The following SLC23A2 variants were observed in gnomAD, a reference collection of about 807,000 sequenced individuals.
SLC23A2 encodes the protein Na(+)/L-ascorbic acid transporter 2.
SLC23A2 carries 36 observed loss-of-function variants against 73.3 expected under a neutral mutation model. That is an observed-to-expected ratio of 0.49 (90% CI 0.38 to 0.65). The LOEUF is 0.65. Among genes scored for constraint, SLC23A2 ranks in the 30% least tolerant of loss-of-function variants. The probability of loss-of-function intolerance (pLI) is 0.00; values close to 1 mark genes in which losing one functional copy is unlikely to be tolerated. For missense variants in SLC23A2, 507 were observed against 841.6 expected (o/e 0.60, Z 4.92); for synonymous variants, 343 against 327.3 (o/e 1.05, Z -0.52).
chr20:4,984,355 C>T (rs1006298976), intron 1 of SLC23A2, among the ~76,000 whole-genome samples: 2 of 151,992 alleles, frequency 1.3e-5, no homozygotes, highest in Admixed American at 6.6e-5. Context: ...GAGATCGAGA[C>T]CATCCTGGCT....
chr20:4,938,281 G>A (rs2086990886), intron 2 of SLC23A2, among the ~76,000 whole-genome samples: 1 of 150,388 alleles, frequency 6.6e-6, no homozygotes, highest in Non-Finnish European at 1.5e-5. Context: ...GCCTCCCAAA[G>A]TGCAGGGATT....
intron 1 of SLC23A2, among the ~76,000 whole-genome samples, chr20:4,985,025 T>C (rs2122290684): frequency 6.6e-6 from 1 of 151,532 alleles, no homozygotes; most frequent in African/African-American, 2.4e-5. Context: ...TAGTTCCGGC[T>C]ACTTGGGAGG....
chr20:4,907,341 A>G (rs1214642523), intron 4 of SLC23A2, among the ~76,000 whole-genome samples: 1 of 152,196 alleles, frequency 6.6e-6, no homozygotes, highest in Non-Finnish European at 1.5e-5. Flanking sequence ...GGGCAGGCCC[A>G]CGATTAGATA....
rs1930495033 is a variant in SLC23A2 at position 4,872,667 on chromosome 20, G to T, written c.1102+1269C>A. On this transcript the variant is annotated intron_variant, in intron 11 of 16. Transcript: ENST00000338244. This position sits in a 1 kb window ranked among gnomAD's most constrained non-coding sequence, Gnocchi z 4.4. ...TATCTCAGACTACAGGTATGTTTAT[G>T]AACCATGCACATTCTTTCTTGGAAA... Among the ~76,000 whole-genome samples the T allele has an allele frequency of 6.6e-6, 1 of 152,148 alleles. No homozygotes were observed. The highest frequency in any genetic ancestry group is 1.5e-5 in the Non-Finnish European group (1 of 68,024).
rs146426037 is a variant in SLC23A2, at chr20:4,872,100, C to T, written c.1102+1836G>A. On this transcript the variant is annotated intron_variant, in intron 11 of 16. Transcript: ENST00000338244. The surrounding 1 kb of genome is among the most constrained non-coding windows in gnomAD (Gnocchi z 4.4). ...CAAGAAACTTTCATTTAGTTTGTTA[C>T]TTGACAGCAGGGTTTTTCAACCTCA... Among the ~76,000 whole-genome samples the T allele has an allele frequency of 7.2e-5, 11 of 152,022 alleles. No homozygotes were observed. Among genetic ancestry groups the T allele is most frequent in the African/African-American group, 2.7e-4 (11 of 41,448 alleles).
chr20:4,993,260 G>T (rs2087958582), intron 1 of SLC23A2, among the ~76,000 whole-genome samples: 1 of 149,710 alleles, frequency 6.7e-6, no homozygotes, highest in African/African-American at 2.5e-5. Flanking sequence ...CTCCAGCCTG[G>T]GCGCGCCACT....
intron 3 of SLC23A2, among the ~76,000 whole-genome samples, chr20:4,919,664 C>A (rs1211844726): frequency 6.6e-6 from 1 of 152,122 alleles, no homozygotes; most frequent in Non-Finnish European, 1.5e-5. Flanking sequence ...ATCTTCCCTG[C>A]TAGGTGAGGT....
Position 4,883,121 on chromosome 20 carries a change from G to C in SLC23A2, c.824+521C>G, listed in dbSNP as rs1353907857. Among the ~76,000 whole-genome samples, 3 of 152,156 alleles carry C rather than the reference G, an allele frequency of 2.0e-5. No homozygotes were observed. Among genetic ancestry groups the C allele is most frequent in the Non-Finnish European group, 4.4e-5 (3 of 68,024 alleles). ...TGTACAAAAGGACAGGCACTGACTA[G>C]CAGGACCCTGGCAGAAACTATGTCC... On this transcript the variant is annotated intron_variant, in intron 9 of 16. Coordinates refer to ENST00000338244, the MANE Select transcript of SLC23A2 (RefSeq NM_005116.6). This position sits in a 1 kb window ranked among gnomAD's most constrained non-coding sequence, Gnocchi z 4.5.
chr20:4,933,741 A>G (rs1374172694), intron 2 of SLC23A2, among the ~76,000 whole-genome samples: 1 of 152,198 alleles, frequency 6.6e-6, no homozygotes, highest in Non-Finnish European at 1.5e-5. Context: ...AAGATAATGC[A>G]AACAGGTAAG....
chr20:4,923,763 A>C (rs1255041637), intron 3 of SLC23A2, among the ~76,000 whole-genome samples: 2 of 152,244 alleles, frequency 1.3e-5, no homozygotes. Flanking sequence ...GAAAGTCACA[A>C]GAACAAGGAC....
upstream of SLC23A2, chr20:5,010,294 G>T (rs1365950553): frequency 6.6e-6 from 1 of 152,112 alleles, no homozygotes; most frequent in East Asian, 1.9e-4. Flanking sequence ...AAGATGAATG[G>T]CCCTGCTCCA....
At chr20:4,937,899 C>A (rs529512163) in intron 2 of SLC23A2, among the ~76,000 whole-genome samples, 1 of 152,176 alleles carries the variant, frequency 6.6e-6, no homozygotes, top group East Asian at 1.9e-4. Context: ...AGGGCTGATA[C>A]CCACCCTCCT....
At chr20:4,880,110 G>A (rs1930823852) in intron 9 of SLC23A2, among the ~76,000 whole-genome samples, 1 of 152,202 alleles carries the variant, frequency 6.6e-6, no homozygotes, top group Admixed American at 6.5e-5. Flanking sequence ...ACAACCCCAG[G>A]AAAGAAAACA....
Position 4,902,421 on chromosome 20 carries a change from A to T in SLC23A2, c.324+21T>A. 7.7e-7 allele frequency: 1 copy of T among 1,300,188 alleles called. No homozygotes were observed. The highest frequency in any genetic ancestry group is 1.5e-5 in the African/African-American group (1 of 67,814). 80.5% of individuals were successfully genotyped at this position (1,300,188 alleles called of 1,614,324 possible). ...TGCAAACACCTGCTGGTAGTTACAC[A>T]TCCTACAGGAACCATCTTACCTGTA... On this transcript the variant is annotated intron_variant, in intron 5 of 16. Transcript: ENST00000338244. This position sits in a 1 kb window ranked among gnomAD's most constrained non-coding sequence, Gnocchi z 4.0.
intron 13 of SLC23A2, among the ~76,000 whole-genome samples, chr20:4,867,117 A>G (rs996727884): frequency 7.3e-6 from 1 of 136,672 alleles, no homozygotes; most frequent in Non-Finnish European, 1.5e-5. Flanking sequence ...ACTCCCTTCC[A>G]CTCAGGCAGT....
chr20:4,945,234 T>TA (rs1391943771), intron 2 of SLC23A2, among the ~76,000 whole-genome samples: 3 of 150,028 alleles, frequency 2.0e-5, no homozygotes, highest in Non-Finnish European at 3.0e-5. Flanking sequence ...TGACTGAATT[T>TA]AAAAAAAAAA....
At chr20:4,901,188 T>A (rs1399637573) in intron 5 of SLC23A2, among the ~76,000 whole-genome samples, 2 of 152,026 alleles carry the variant, frequency 1.3e-5, no homozygotes, top group African/African-American at 4.8e-5. Flanking sequence ...CCTCCCCTAC[T>A]CAACAGACAC....
At position 4,998,432 on chromosome 20, in the gene SLC23A2, C is replaced by G. The variant is rs1023471890; in HGVS notation, c.-282+2974G>C. Among the ~76,000 whole-genome samples, 2 of 152,134 alleles carry G rather than the reference C, an allele frequency of 1.3e-5. No homozygotes were observed. The highest frequency in any genetic ancestry group is 4.8e-5 in the African/African-American group (2 of 41,428). On this transcript the variant is annotated intron_variant, in intron 1 of 16. Transcript: ENST00000338244. The surrounding 1 kb of genome is among the most constrained non-coding windows in gnomAD (Gnocchi z 4.1). Reference sequence around the variant, plus strand: ...AGAACCTGTGACGAAATAACAGGTTCAAAATAGCAAAGCCACAGAGAAAAT... The same window carrying G: ...AGAACCTGTGACGAAATAACAGGTTGAAAATAGCAAAGCCACAGAGAAAAT...
intron 1 of SLC23A2, among the ~76,000 whole-genome samples, chr20:4,985,636 C>T (rs1313485868): frequency 6.6e-6 from 1 of 152,102 alleles, no homozygotes; most frequent in Admixed American, 6.6e-5. Flanking sequence ...TTAGTAGACG[C>T]AGGGTTTCAC....
Sources: allele counts gnomAD v4.1 joint callset (sites outside exome capture counted in the v4.1 genomes callset), GRCh38; gene constraint gnomAD v4.1.1; non-coding constraint Gnocchi (gnomAD v3.1); transcripts MANE v1.5; gene names NCBI Gene and HGNC (gene_info 2026-07-23, HGNC 2026-07-21).